Variants in PLXDC2 observed in about 807,000 individuals in gnomAD.
The protein encoded by PLXDC2 is plexin domain containing 2, also known as plexin domain-containing protein 2.
A neutral mutation model predicts 68.9 loss-of-function variants in PLXDC2; 40 were observed. That is an observed-to-expected ratio of 0.58 (90% confidence interval 0.45 to 0.76). PLXDC2 has a LOEUF of 0.76. Ranked by LOEUF, PLXDC2 falls within the 30% of genes least tolerant of loss-of-function variation. The probability of loss-of-function intolerance (pLI) is 0.00; values close to 1 mark genes in which losing one functional copy is unlikely to be tolerated. For synonymous variants in PLXDC2, 243 were observed against 234.2 expected (o/e 1.04, Z -0.34); for missense variants, 644 against 661.9 (o/e 0.97, Z 0.30).
chr10:20,223,474 G>T (rs538042309), intron 12 of PLXDC2, among the ~76,000 whole-genome samples: 26 of 151,892 alleles, frequency 1.7e-4, no homozygotes, highest in African/African-American at 6.3e-4. Flanking sequence ...CACTACACCC[G>T]GCTAATTTTG....
intron 1 of PLXDC2, among the ~76,000 whole-genome samples, chr10:19,967,074 C>T (rs543468648): frequency 1.3e-5 from 2 of 152,310 alleles, no homozygotes; most frequent in South Asian, 4.1e-4. Flanking sequence ...TTGGAGCAGC[C>T]AACCTTGTAT....
intron 3 of PLXDC2, among the ~76,000 whole-genome samples, chr10:20,067,419 C>G (rs912210169): frequency 6.6e-6 from 1 of 152,136 alleles, no homozygotes; most frequent in Non-Finnish European, 1.5e-5. Context: ...GGCATGGTGG[C>G]TCACGCCTGT....
chr10:20,284,330 T>TATATATATATATATACACAC lies in PLXDC2; in HGVS notation c.*4512_*4513insTATATATATATATACACACA, dbSNP rs1484131963. ...AAATATACATATATATATATATATA[T>TATATATATATATATACACAC]ACACACACACACACACACACACAAA... On this transcript the variant is annotated 3_prime_UTR_variant, in exon 14 of 14. Transcript: ENST00000377252. The TATATATATATATATACACAC allele has an allele frequency of 7.9e-5, 10 of 126,350 alleles. No individual in the cohort carries two copies. The highest frequency in any genetic ancestry group is 2.6e-4 in the African/African-American group (9 of 34,374). 7.8% of individuals were successfully genotyped at this position (126,350 alleles called of 1,614,324 possible).
In PLXDC2 at chr10:20,285,416, T is replaced by C. The variant is rs1207133251; in HGVS notation, c.*5597T>C. 6.6e-6 allele frequency: 1 copy of C among 152,118 alleles called. No individual in the cohort carries two copies. Among genetic ancestry groups the C allele is most frequent in the African/African-American group, 2.4e-5 (1 of 41,420 alleles). The allele number at this position is 152,118 out of a possible 1,614,324, so 9.4% of individuals were successfully genotyped here. ...AACCGATCATTATAATACAATAACA[T>C]CCCTAAACCAGACTTTACAAGTAGA... is the stretch of plus-strand genomic sequence containing the variant. On this transcript the variant is annotated 3_prime_UTR_variant, in exon 14 of 14. Transcript: ENST00000377252.
At chr10:20,096,733 A>C (rs895736706) in intron 4 of PLXDC2, among the ~76,000 whole-genome samples, 2 of 152,146 alleles carry the variant, frequency 1.3e-5, no homozygotes, top group Non-Finnish European at 2.9e-5. Flanking sequence ...ATTGTTTTTT[A>C]TGTCTGATTA....
chr10:20,158,012 T>C (rs1834238988), intron 6 of PLXDC2, among the ~76,000 whole-genome samples: 1 of 152,110 alleles, frequency 6.6e-6, no homozygotes, highest in Non-Finnish European at 1.5e-5. Flanking sequence ...TAGCTTTGCT[T>C]TAATCTTAAG....
At position 19,892,508 on chromosome 10, in the gene PLXDC2, G is replaced by C. The variant is rs547973264; in HGVS notation, c.112+75317G>C. Among the ~76,000 whole-genome samples the C allele has an allele frequency of 3.3e-5, 5 of 152,264 alleles. No individual in the cohort carries two copies. In the South Asian group the frequency reaches 1.0e-3, roughly 32 times the overall value. On this transcript the variant is annotated intron_variant, in intron 1 of 13. Transcript: ENST00000377252. ...TATGCAGGAAGACTTCAGATGTAAA[G>C]TTACGACTAGGACTCCAGCTGAAAT...
intron 1 of PLXDC2, among the ~76,000 whole-genome samples, chr10:19,977,336 T>G (rs1834474324): frequency 6.6e-6 from 1 of 152,206 alleles, no homozygotes. Flanking sequence ...AACCTCAAAC[T>G]TACTGATAAA....
At position 20,279,996 on chromosome 10, in the gene PLXDC2, A is replaced by G; in HGVS notation, c.*177A>G. The G allele has an allele frequency of 1.0e-5, 6 of 580,120 alleles. No homozygotes were observed. The South Asian group carries it at 1.1e-4, about 11-fold the overall frequency. The allele number at this position is 580,120 out of a possible 1,614,324, so 35.9% of individuals were successfully genotyped here. A position where few individuals can be genotyped will look rare whatever the true frequency, so the allele number is the denominator to read the frequency against. On this transcript the variant is annotated 3_prime_UTR_variant, in exon 14 of 14. Coordinates refer to ENST00000377252, the MANE Select transcript of PLXDC2 (RefSeq NM_032812.9). ...CCAGGAAACAAAGGGTAAACAAAAA[A>G]CTAAAACTTATACAAGATACCATTT...
intron 6 of PLXDC2, among the ~76,000 whole-genome samples, chr10:20,155,292 A>G (rs1448284150): frequency 6.6e-6 from 1 of 152,170 alleles, no homozygotes; most frequent in Non-Finnish European, 1.5e-5. Context: ...GAATTTATAG[A>G]AAAAAGGTAA....
chr10:19,903,413 T>C (rs1419117989), intron 1 of PLXDC2, among the ~76,000 whole-genome samples: 3 of 151,930 alleles, frequency 2.0e-5, no homozygotes, highest in Non-Finnish European at 2.9e-5. Flanking sequence ...GAGGGTTGTA[T>C]ATTTCCAGGA....
At chr10:20,216,631 G>A (rs1238478380) in intron 10 of PLXDC2, among the ~76,000 whole-genome samples, 2 of 152,152 alleles carry the variant, frequency 1.3e-5, no homozygotes, top group Non-Finnish European at 2.9e-5. Flanking sequence ...GTCCAGAATA[G>A]TTATTTTCTA....
chr10:20,091,840 G>A (rs148850568), intron 4 of PLXDC2: 36 of 152,378 alleles, frequency 2.4e-4, no homozygotes, highest in Middle Eastern at 3.4e-3. Context: ...ACTCTCTCTA[G>A]TACCTGCTCT....
At chr10:20,245,320 C>G in intron 12 of PLXDC2, 25 bp from the exon 13 acceptor site, 1 of 1,593,010 alleles carries the variant, frequency 6.3e-7, no homozygotes, top group Non-Finnish European at 8.5e-7. Flanking sequence ...TCATGAAGGT[C>G]CTGACAGCTG....
intron 6 of PLXDC2, among the ~76,000 whole-genome samples, chr10:20,159,231 A>T (rs2131809170): frequency 6.6e-6 from 1 of 152,270 alleles, no homozygotes; most frequent in Non-Finnish European, 1.5e-5. Flanking sequence ...CTTCTCATAG[A>T]CCGTGAAGTG....
At chr10:19,862,149 A>G (rs975869341) in intron 1 of PLXDC2, among the ~76,000 whole-genome samples, 4 of 152,220 alleles carry the variant, frequency 2.6e-5, no homozygotes, top group African/African-American at 9.7e-5. Context: ...ATTATGAATT[A>G]TATGTATAGC....
At chr10:20,103,798 A>C (rs1196960735) in intron 4 of PLXDC2, among the ~76,000 whole-genome samples, 1 of 151,982 alleles carries the variant, frequency 6.6e-6, no homozygotes, top group African/African-American at 2.4e-5. Context: ...ATGCGCCACC[A>C]CGCCCAGCTA....
chr10:20,096,923 A>T (rs1026277424), intron 4 of PLXDC2, among the ~76,000 whole-genome samples: 2 of 152,156 alleles, frequency 1.3e-5, no homozygotes, highest in Non-Finnish European at 2.9e-5. Context: ...CATTAAAAAA[A>T]GCGAAATTAA....
intron 2 of PLXDC2, among the ~76,000 whole-genome samples, chr10:20,044,211 G>GTCTGTCTGTCTT (rs1486556031): frequency 2.9e-5 from 2 of 68,548 alleles, no homozygotes; most frequent in African/African-American, 1.0e-4. Flanking sequence ...CTCTCTCTCT[G>GTCTGTCTGTCTT]TCTTTCTTTC....
Sources: allele counts gnomAD v4.1 joint callset (sites outside exome capture counted in the v4.1 genomes callset), GRCh38; gene constraint gnomAD v4.1.1; transcripts MANE v1.5; gene names NCBI Gene and HGNC (gene_info 2026-07-23, HGNC 2026-07-21).